The following DGKE variants were observed in gnomAD, a reference collection of about 807,000 sequenced individuals.
The protein encoded by DGKE is diacylglycerol kinase epsilon, also known as DAG kinase epsilon.
Under a neutral mutation model 70.0 loss-of-function variants are expected in DGKE, and 53 were observed. The observed-to-expected ratio is 0.76, with a 90% CI of 0.61 to 0.95. The LOEUF (loss-of-function observed/expected upper bound fraction) is 0.95, where lower values mean the gene tolerates loss of function less well. Among genes scored for constraint, DGKE ranks in the 40% least tolerant of loss-of-function variants. DGKE has a pLI of 0.00. For synonymous variants in DGKE, 291 were observed against 257.0 expected, an observed-to-expected ratio of 1.13 and a Z score of -1.27; for missense variants, 655 against 706.9, an observed-to-expected ratio of 0.93 and a Z score of 0.83.
At chr17:56,842,521 T>C (rs1436492086) in intron 2 of DGKE, among the ~76,000 whole-genome samples, 1 of 152,210 alleles carries the variant, frequency 6.6e-6, no homozygotes, top group African/African-American at 2.4e-5. Context: ...AACCAGTCTA[T>C]TATAGTTTCT....
At position 56,835,537 on chromosome 17, in the gene DGKE, C is replaced by T. The variant is rs1188550455; in HGVS notation, c.464+278C>T. The T allele has an allele frequency of 8.5e-6, 4 of 471,908 alleles. No individual in the cohort carries two copies. In the Middle Eastern group the frequency reaches 1.6e-3, roughly 190 times the overall value. 29.2% of individuals were successfully genotyped at this position (471,908 alleles called of 1,614,324 possible). On this transcript the variant is annotated intron_variant, in intron 2 of 11. Coordinates refer to ENST00000284061, the MANE Select transcript of DGKE (RefSeq NM_003647.3). ...TAATACAGAGGTTTCTAAGTGGTGC[C>T]TGCTTCATGGCCACTGTATATTTTA...
intron 7 of DGKE, among the ~76,000 whole-genome samples, chr17:56,850,290 A>G (rs1425237053): frequency 1.3e-5 from 2 of 151,968 alleles, no homozygotes; most frequent in Non-Finnish European, 2.9e-5. Flanking sequence ...ATGCCCAGAT[A>G]GTTTTTGTTT....
intron 9 of DGKE, among the ~76,000 whole-genome samples, chr17:56,860,667 A>G (rs1295985934): frequency 3.3e-5 from 5 of 152,262 alleles, no homozygotes; most frequent in Non-Finnish European, 7.3e-5. Flanking sequence ...AAGTGGCAGT[A>G]TAAGCAAGTC....
At chr17:56,862,093 A>AT (rs1908328301) in intron 10 of DGKE, 47 bp from the exon 11 acceptor site, 1 of 1,598,860 alleles carries the variant, frequency 6.3e-7, no homozygotes, top group East Asian at 2.2e-5. Context: ...AGCATAACTG[A>AT]TTTTTTATTG....
chr17:56,854,358 C>T (rs944515078), intron 7 of DGKE, among the ~76,000 whole-genome samples: 2 of 151,458 alleles, frequency 1.3e-5, no homozygotes, highest in African/African-American at 4.9e-5. Flanking sequence ...TCTCATTTGA[C>T]CATGCAGTGG....
Position 56,856,401 on chromosome 17 carries a change from C to T in DGKE, c.1099-111C>T, listed in dbSNP as rs963889570. 8.3e-6 allele frequency: 10 copies of T among 1,200,970 alleles called. No individual in the cohort carries two copies. In the Admixed American group the frequency reaches 2.8e-4, roughly 34 times the overall value. 74.4% of individuals were successfully genotyped at this position (1,200,970 alleles called of 1,614,324 possible). ...AAAATAGCCATGTGAAAAGTAAATG[C>T]AGAAAGCATCTCCATTGTCAAAAGA... On this transcript the variant is annotated intron_variant, in intron 7 of 11. Coordinates refer to ENST00000284061, the MANE Select transcript of DGKE (RefSeq NM_003647.3).
In DGKE at chr17:56,835,178, T is replaced by C; in HGVS notation, c.383T>C (p.Ile128Thr). The change falls in exon 2 of 12, where the codon ATC becomes ACC. Residue 128 changes from isoleucine to threonine, a missense_variant. Coordinates refer to ENST00000284061, the MANE Select transcript of DGKE (RefSeq NM_003647.3). ...KVLDAMPHHW[I>T]RGNVPLCSYC... ...CTGGACGCCATGCCCCACCACTGGA[T>C]CCGGGGCAACGTGCCCCTGTGCAGT... 2 of 1,614,054 alleles carry C rather than the reference T, an allele frequency of 1.2e-6. No individual in the cohort carries two copies. Among genetic ancestry groups the C allele is most frequent in the Non-Finnish European group, 1.7e-6 (2 of 1,180,034 alleles).
rs1179980424 is a variant in DGKE, at chr17:56,846,106, A to G, written c.744+297A>G. 4 of 189,522 alleles carry G rather than the reference A, an allele frequency of 2.1e-5. No homozygotes were observed. The East Asian group carries it at 5.1e-4, about 24-fold the overall frequency. The allele number at this position is 189,522 out of a possible 1,614,324, so 11.7% of individuals were successfully genotyped here. ...AAGTGAAAACATATTTCTCACAAAC[A>G]TTTGCATGAAAATGTTCACAGCAGC... On this transcript the variant is annotated intron_variant, in intron 4 of 11. Transcript: ENST00000284061.
intron 2 of DGKE, among the ~76,000 whole-genome samples, chr17:56,841,268 T>C (rs994711070): frequency 8.3e-6 from 1 of 120,392 alleles, no homozygotes; most frequent in South Asian, 2.6e-4. Flanking sequence ...AAAAAAAAAT[T>C]TTTTTTAAAT....
chr17:56,847,927 T>C lies in DGKE; in HGVS notation c.750T>C (p.Phe250=). ...TCTTTTTCTTTTGTTTCTAGGTTTT[T>C]GATGTAACTAAAACTCCTCCTATCA... ...FRILLNPVQV[F]DVTKTPPIKA... The change falls in exon 5 of 12, where the codon TTT becomes TTC. Residue 250 remains phenylalanine, a synonymous_variant. Transcript: ENST00000284061. 6.4e-7 allele frequency: 1 copy of C among 1,555,324 alleles called. No individual in the cohort carries two copies. Among genetic ancestry groups the C allele is most frequent in the Non-Finnish European group, 8.7e-7 (1 of 1,155,766 alleles).
In DGKE at chr17:56,862,124, C is replaced by A. The variant is rs1286147807; in HGVS notation, c.1413-16C>A. The A allele has an allele frequency of 3.1e-6, 5 of 1,612,384 alleles. No individual in the cohort carries two copies. The African/African-American group carries it at 5.3e-5, about 17-fold the overall frequency. ...TATTGCATCATATAATCCATATTTT[C>A]TTTTTCCAATTTTAGGCATGACGAT... On this transcript the variant is annotated splice_polypyrimidine_tract_variant and intron_variant, in intron 10 of 11. Transcript: ENST00000284061.
chr17:56,853,230 C>G (rs73327114), intron 7 of DGKE, among the ~76,000 whole-genome samples: 10 of 152,124 alleles, frequency 6.6e-5, no homozygotes, highest in African/African-American at 2.4e-4. Flanking sequence ...GATTTTCTCC[C>G]AAGCTGTGGG....
Position 56,862,774 on chromosome 17 carries a change from A to T in DGKE, c.1687A>T (p.Ile563Leu), listed in dbSNP as rs141588701. 6.3e-7 allele frequency: 1 copy of T among 1,580,836 alleles called. No individual in the cohort carries two copies. The highest frequency in any genetic ancestry group is 8.5e-7 in the Non-Finnish European group (1 of 1,170,012). The change falls in exon 12 of 12, where the codon ATA becomes TTA. Residue 563 changes from isoleucine to leucine, a missense_variant. Coordinates refer to ENST00000284061, the MANE Select transcript of DGKE (RefSeq NM_003647.3). ...CTCTAGTACTTCGGATCAAGAAGATATAAAGGCGACTGAATAGATGGATGA... is the reference window on the plus strand; with the variant it reads ...CTCTAGTACTTCGGATCAAGAAGATTTAAAGGCGACTGAATAGATGGATGA... ...DISSTSDQED[I>L]KATE is the part of the protein sequence containing the mutation.
At chr17:56,851,225 G>A (rs4794672) in intron 7 of DGKE, among the ~76,000 whole-genome samples, 107,619 of 151,882 alleles carry the variant, frequency 0.71, 38,556 homozygotes, top group East Asian at 0.91. Flanking sequence ...AGGAGTGAGC[G>A]AAAGAAGCTG....
rs1908489697 is a variant in DGKE at position 56,865,392 on chromosome 17, T to C, written c.*2601T>C. 1 of 152,216 alleles carries C rather than the reference T, an allele frequency of 6.6e-6. No homozygotes were observed. The highest frequency in any genetic ancestry group is 1.5e-5 in the Non-Finnish European group (1 of 68,022). The allele number at this position is 152,216 out of a possible 1,614,324, so 9.4% of individuals were successfully genotyped here. On this transcript the variant is annotated 3_prime_UTR_variant, in exon 12 of 12. Coordinates refer to ENST00000284061, the MANE Select transcript of DGKE (RefSeq NM_003647.3). Reference sequence around the variant, plus strand: ...TTTTACTATCCCAATACATTCCTAATTCCTATAAACGTAGTGGCTTAAATA... The same window carrying C: ...TTTTACTATCCCAATACATTCCTAACTCCTATAAACGTAGTGGCTTAAATA...
chr17:56,860,288 A>G (rs1908214474), intron 9 of DGKE, among the ~76,000 whole-genome samples: 1 of 152,222 alleles, frequency 6.6e-6, no homozygotes, highest in Non-Finnish European at 1.5e-5. Context: ...CTGTAATCCC[A>G]GCACTTTGGG....
chr17:56,845,855 C>A, intron 4 of DGKE, 46 bp downstream of exon 4: 1 of 1,524,998 alleles, frequency 6.6e-7, no homozygotes, highest in African/African-American at 1.4e-5. Flanking sequence ...TCATTTTCCC[C>A]AAAATGCAAT....
rs376884670 is a variant in DGKE at position 56,856,558 on chromosome 17, T to C, written c.1145T>C (p.Met382Thr). ...NYFSVGPDAL[M>T]ALNFHAHREK... Reference sequence around the variant, plus strand: ...TTTTCTGTTGGACCTGATGCTCTCATGGCTCTCAATTTTCATGCTCATCGT... The same window carrying C: ...TTTTCTGTTGGACCTGATGCTCTCACGGCTCTCAATTTTCATGCTCATCGT... Residue 382 changes from methionine to threonine, a missense_variant, in exon 8 of 12, where the codon ATG becomes ACG. Coordinates refer to ENST00000284061, the MANE Select transcript of DGKE (RefSeq NM_003647.3). 4 of 1,613,928 alleles carry C rather than the reference T, an allele frequency of 2.5e-6. No homozygotes were observed. The highest frequency in any genetic ancestry group is 3.4e-6 in the Non-Finnish European group (4 of 1,179,980).
intron 1 of DGKE, 142 bp from the exon 2 acceptor site, chr17:56,834,636 C>CG (rs1906444499): frequency 6.3e-6 from 5 of 790,120 alleles, no homozygotes; most frequent in East Asian, 2.5e-5. Context: ...TCCCGGGAGA[C>CG]GGGGGGACGA....
Sources: allele counts gnomAD v4.1 joint callset (sites outside exome capture counted in the v4.1 genomes callset), GRCh38; gene constraint gnomAD v4.1.1; transcripts MANE v1.5; gene names NCBI Gene and HGNC (gene_info 2026-07-23, HGNC 2026-07-21).